Variants in PRCC observed in about 807,000 individuals in gnomAD.
PRCC encodes proline rich mitotic checkpoint control factor.
A neutral mutation model predicts 44.0 loss-of-function variants in PRCC; 10 were observed. The ratio of observed to expected loss-of-function variants is 0.23; its 90% CI spans 0.14 to 0.39. The LOEUF (loss-of-function observed/expected upper bound fraction) is 0.39. Ranked by LOEUF, PRCC falls within the 10% of genes least tolerant of loss-of-function variation. The pLI is 1.00. For synonymous variants in PRCC, 278 were observed against 259.5 expected (o/e 1.07, Z -0.69); for missense variants, 573 against 624.7 (o/e 0.92, Z 0.88).
intron 1 of PRCC, among the ~76,000 whole-genome samples, chr1:156,774,950 C>CAA (rs35955533): frequency 9.5e-6 from 1 of 105,484 alleles, no homozygotes; most frequent in Non-Finnish European, 1.9e-5. Flanking sequence ...GACTCTGTCT[C>CAA]AAAAAAAAAA....
chr1:156,769,298 A>G (rs547269537), intron 1 of PRCC, among the ~76,000 whole-genome samples: 8 of 152,326 alleles, frequency 5.3e-5, no homozygotes, highest in Admixed American at 3.9e-4. Flanking sequence ...CTAGCCTACT[A>G]TGTATTTAAA....
intron 1 of PRCC, among the ~76,000 whole-genome samples, chr1:156,772,359 C>T (rs1007215805): frequency 1.3e-5 from 2 of 152,198 alleles, no homozygotes; most frequent in South Asian, 2.1e-4. Flanking sequence ...CTGCAGTCAG[C>T]GTAGTACCAA....
chr1:156,785,752 G>A (rs749437009), intron 2 of PRCC, among the ~76,000 whole-genome samples: 5 of 151,374 alleles, frequency 3.3e-5, no homozygotes, highest in Non-Finnish European at 7.4e-5. Context: ...TTTCCTAGGC[G>A]TCATTAGCGC....
chr1:156,767,934 C>A lies in PRCC; in HGVS notation c.163C>A (p.Pro55Thr). 6.3e-7 allele frequency: 1 copy of A among 1,593,436 alleles called. No homozygotes were observed. The highest frequency in any genetic ancestry group is 8.5e-7 in the Non-Finnish European group (1 of 1,170,346). Residue 55 changes from proline to threonine, a missense_variant, in exon 1 of 7, where the codon CCT (proline) becomes ACT (threonine). Coordinates refer to ENST00000271526, the MANE Select transcript of PRCC (RefSeq NM_005973.5). ...PKGPALLPPP[P>T]QMLAPAFPPP... The stretch of plus-strand genomic sequence containing the variant: ...GGGTCCGGCCTTGCTGCCTCCGCCC[C>A]CTCAGATGCTGGCGCCAGCCTTTCC...
intron 1 of PRCC, among the ~76,000 whole-genome samples, chr1:156,770,490 T>C (rs1651592899): frequency 6.6e-6 from 1 of 152,266 alleles, no homozygotes; most frequent in South Asian, 2.1e-4. Flanking sequence ...TTCTCCTGCA[T>C]CAGCCTCCCG....
At chr1:156,777,138 G>C (rs986099744) in intron 1 of PRCC, among the ~76,000 whole-genome samples, 1 of 152,192 alleles carries the variant, frequency 6.6e-6, no homozygotes, top group East Asian at 1.9e-4. Context: ...CTTAGCCAGT[G>C]AGGGGCAGAG....
At chr1:156,787,325 C>A in intron 3 of PRCC, 151 bp downstream of exon 3, 1 of 873,498 alleles carries the variant, frequency 1.1e-6, no homozygotes, top group Non-Finnish European at 1.7e-6. Context: ...TTATTCTGAA[C>A]CATATTAATC....
intron 1 of PRCC, among the ~76,000 whole-genome samples, chr1:156,778,581 C>CTTT (rs746389120): frequency 2.3e-5 from 3 of 130,072 alleles, no homozygotes; most frequent in African/African-American, 2.9e-5. Context: ...TATAGTAATT[C>CTTT]TTTTTTTTTT....
chr1:156,769,782 A>T (rs1242885447), intron 1 of PRCC, among the ~76,000 whole-genome samples: 3 of 151,858 alleles, frequency 2.0e-5, no homozygotes, highest in Non-Finnish European at 4.4e-5. Context: ...TTGTGTTTTT[A>T]GTAGAGACGG....
chr1:156,771,575 G>T (rs1180228370), intron 1 of PRCC, among the ~76,000 whole-genome samples: 1 of 152,252 alleles, frequency 6.6e-6, no homozygotes, highest in African/African-American at 2.4e-5. Flanking sequence ...AGGCAGCTGG[G>T]GGGTGGTGTT....
chr1:156,782,434 C>A (rs1652081931), intron 2 of PRCC, 105 bp downstream of exon 2: 2 of 1,054,604 alleles, frequency 1.9e-6, no homozygotes, highest in South Asian at 1.6e-5. Context: ...AGAGCAAACA[C>A]AGATATTTGA....
intron 1 of PRCC, among the ~76,000 whole-genome samples, chr1:156,772,278 G>A (rs1389418855): frequency 6.6e-6 from 1 of 152,198 alleles, no homozygotes; most frequent in Admixed American, 6.5e-5. Flanking sequence ...GAACTATGAT[G>A]GTAGTCTCAA....
chr1:156,790,361 G>A (rs1005824532), intron 3 of PRCC, among the ~76,000 whole-genome samples: 7 of 152,210 alleles, frequency 4.6e-5, no homozygotes, highest in African/African-American at 1.7e-4. Flanking sequence ...GGTGGCTCAC[G>A]CCTGCAATCC....
Position 156,798,288 on chromosome 1 carries a change from C to T in PRCC, c.1389+947C>T, listed in dbSNP as rs530586623. Among the ~76,000 whole-genome samples the T allele has an allele frequency of 9.9e-5, 15 of 152,158 alleles. No homozygotes were observed. In the South Asian group the frequency reaches 1.0e-3, roughly 11 times the overall value. ...GTTGTCACACCTGCTGGCATAGCTGCAGCGATAGCAACAACTTCACAAATT... is the reference window on the plus strand; with the variant it reads ...GTTGTCACACCTGCTGGCATAGCTGTAGCGATAGCAACAACTTCACAAATT... On this transcript the variant is annotated intron_variant, in intron 6 of 6. Coordinates refer to ENST00000271526, the MANE Select transcript of PRCC (RefSeq NM_005973.5).
chr1:156,780,289 G>A (rs1415822078), intron 1 of PRCC, among the ~76,000 whole-genome samples: 3 of 151,122 alleles, frequency 2.0e-5, no homozygotes, highest in Non-Finnish European at 4.4e-5. Context: ...AAACTCCTGG[G>A]CTCAAGTAAT....
At chr1:156,777,192 C>T (rs1336629086) in intron 1 of PRCC, among the ~76,000 whole-genome samples, 1 of 152,020 alleles carries the variant, frequency 6.6e-6, no homozygotes, top group Admixed American at 6.6e-5. Context: ...TTCATGCTCT[C>T]TCAGCTGTGT....
chr1:156,798,700 C>CA, intron 6 of PRCC, among the ~76,000 whole-genome samples: 1 of 151,974 alleles, frequency 6.6e-6, no homozygotes, highest in East Asian at 1.9e-4. Flanking sequence ...ACTAAAAATA[C>CA]AAAAAATTAG....
intron 1 of PRCC, among the ~76,000 whole-genome samples, chr1:156,779,349 T>C (rs1651962992): frequency 6.6e-6 from 1 of 150,848 alleles, no homozygotes; most frequent in Non-Finnish European, 1.5e-5. Context: ...TTTTAAAATT[T>C]GTATTATTTT....
At chr1:156,777,716 A>C (rs1292262328) in intron 1 of PRCC, among the ~76,000 whole-genome samples, 1 of 152,162 alleles carries the variant, frequency 6.6e-6, no homozygotes. Flanking sequence ...TAAGCAAATG[A>C]GTGATGTAGG....
Sources: allele counts gnomAD v4.1 joint callset (sites outside exome capture counted in the v4.1 genomes callset), GRCh38; gene constraint gnomAD v4.1.1; transcripts MANE v1.5; gene names NCBI Gene and HGNC (gene_info 2026-07-23, HGNC 2026-07-21).